The following HDAC9 variants were observed in gnomAD, a reference collection of about 807,000 sequenced individuals.
HDAC9 encodes the protein MEF-2 interacting transcription repressor (MITR) protein.
In HDAC9, 41 loss-of-function variants were observed where a neutral mutation model predicts 139.4. The ratio of observed to expected loss-of-function variants is 0.29; its 90% confidence interval spans 0.23 to 0.38. HDAC9 has a LOEUF of 0.38. HDAC9 is among the 10% of genes least tolerant of loss of function. The pLI is 1.00. For synonymous variants in HDAC9, 517 were observed against 476.2 expected (o/e 1.09, Z -1.12); for missense variants, 1,147 against 1,297.0 (o/e 0.88, Z 1.78).
At chr7:18,317,844 AC>A (rs765094686) in intron 1 of HDAC9, among the ~76,000 whole-genome samples, 12 of 152,220 alleles carry the variant, frequency 7.9e-5, no homozygotes, top group Non-Finnish European at 1.5e-4. Flanking sequence ...TAACAGAAAT[AC>A]TTAGTAGTCT....
intron 1 of HDAC9, among the ~76,000 whole-genome samples, chr7:18,415,410 G>A (rs1192396382): frequency 1.8e-4 from 28 of 152,172 alleles, no homozygotes; most frequent in Admixed American, 1.6e-3. Context: ...GAGGCCTTTA[G>A]TGAATCCATC....
chr7:18,155,156 C>T (rs1787096682), intron 1 of HDAC9, among the ~76,000 whole-genome samples: 2 of 149,342 alleles, frequency 1.3e-5, no homozygotes, highest in Non-Finnish European at 1.5e-5. Flanking sequence ...CCTGCAGTTT[C>T]TGGGCATTGT....
chr7:18,604,897 G>A (rs553495784), intron 6 of HDAC9, among the ~76,000 whole-genome samples: 1 of 152,192 alleles, frequency 6.6e-6, no homozygotes, highest in African/African-American at 2.4e-5. Flanking sequence ...TGTCATAACT[G>A]AGTCTGGTCT....
intron 25 of HDAC9, among the ~76,000 whole-genome samples, chr7:18,994,199 G>A (rs979308176): frequency 1.3e-5 from 2 of 152,050 alleles, no homozygotes; most frequent in African/African-American, 2.4e-5. Context: ...ACTGAATCCT[G>A]GATTCGGGGG....
At chr7:18,588,663 A>C (rs1830100461) in intron 3 of HDAC9, among the ~76,000 whole-genome samples, 1 of 152,160 alleles carries the variant, frequency 6.6e-6, no homozygotes, top group Non-Finnish European at 1.5e-5. Context: ...TGCCATTGGC[A>C]TGTCTTGCCC....
intron 2 of HDAC9, chr7:18,578,165 A>G (rs749567453): frequency 1.9e-6 from 1 of 518,964 alleles, no homozygotes; most frequent in Non-Finnish European, 3.8e-6. Context: ...GAGAAACAAG[A>G]TGGTGAGTGA....
intron 14 of HDAC9, among the ~76,000 whole-genome samples, chr7:18,750,651 T>G (rs1788362024): frequency 6.6e-6 from 1 of 152,108 alleles, no homozygotes; most frequent in African/African-American, 2.4e-5. Context: ...AATTTTAGAG[T>G]TATCTTTAAG....
intron 17 of HDAC9, among the ~76,000 whole-genome samples, chr7:18,795,995 G>A (rs1431364961): frequency 1.3e-5 from 2 of 152,142 alleles, no homozygotes; most frequent in South Asian, 2.1e-4. Flanking sequence ...TGAGCATTTT[G>A]TTATTCATTT....
chr7:18,733,927 T>G (rs1001936217), intron 13 of HDAC9, among the ~76,000 whole-genome samples: 3 of 152,176 alleles, frequency 2.0e-5, no homozygotes, highest in Admixed American at 6.5e-5. Context: ...ATAAGACATA[T>G]TTTGTTATCT....
chr7:18,451,060 A>T (rs1463888129), intron 1 of HDAC9, among the ~76,000 whole-genome samples: 1 of 152,176 alleles, frequency 6.6e-6, no homozygotes, highest in African/African-American at 2.4e-5. Flanking sequence ...TTGTGGTGGT[A>T]TTAAGAGGTA....
At chr7:18,482,448 T>G (rs1795643311) in intron 1 of HDAC9, among the ~76,000 whole-genome samples, 1 of 144,920 alleles carries the variant, frequency 6.9e-6, no homozygotes, top group African/African-American at 2.6e-5. Context: ...TCAGGGATTT[T>G]TTTTAAAAAC....
At chr7:18,228,918 T>G (rs1322870759) in intron 2 of HDAC9, among the ~76,000 whole-genome samples, 1 of 152,112 alleles carries the variant, frequency 6.6e-6, no homozygotes, top group East Asian at 1.9e-4. Flanking sequence ...GAAAGGGACT[T>G]TATGTGTGCT....
chr7:18,850,356 C>T (rs565512522), intron 21 of HDAC9, among the ~76,000 whole-genome samples: 3 of 152,234 alleles, frequency 2.0e-5, no homozygotes, highest in African/African-American at 7.2e-5. Context: ...GGCACAGACC[C>T]TTGTACTTCT....
Position 18,583,152 on chromosome 7 carries a change from T to C in HDAC9, c.23-2129T>C, listed in dbSNP as rs77841330. On this transcript the variant is annotated intron_variant, in intron 2 of 25. Transcript: ENST00000686413. ...TAATATGTTTGTTTTGTTAGCTACT[T>C]ACTATTGATGGTTTATTTTAATATA... is the stretch of plus-strand genomic sequence containing the variant. Among the ~76,000 whole-genome samples, 603 of 152,294 alleles carry C rather than the reference T, an allele frequency of 4.0e-3. 6 individuals are homozygous for C. The highest frequency in any genetic ancestry group is 0.014 in the African/African-American group (592 of 41,578).
At chr7:18,091,794 A>G (rs1583984581) in intron 1 of HDAC9, among the ~76,000 whole-genome samples, 1 of 152,196 alleles carries the variant, frequency 6.6e-6, no homozygotes, top group Non-Finnish European at 1.5e-5. Context: ...GGCAGAATTT[A>G]TCTCATAGTG....
chr7:18,741,116 A>T (rs142051075), intron 13 of HDAC9, among the ~76,000 whole-genome samples: 253 of 152,304 alleles, frequency 1.7e-3, no homozygotes, highest in Non-Finnish European at 3.1e-3. Context: ...AAGCTACAAC[A>T]CGTTTTCCAG....
chr7:18,937,995 A>G (rs556795576), intron 23 of HDAC9, among the ~76,000 whole-genome samples: 35 of 152,258 alleles, frequency 2.3e-4, no homozygotes, highest in African/African-American at 8.2e-4. Context: ...AACTGTGTGG[A>G]GTTACATGTT....
chr7:18,579,090 A>T (rs1025738764), intron 2 of HDAC9, among the ~76,000 whole-genome samples: 2 of 152,222 alleles, frequency 1.3e-5, no homozygotes, highest in Non-Finnish European at 2.9e-5. Flanking sequence ...ACATCTTGGT[A>T]TTGATCAGAG....
chr7:18,744,122 C>A (rs1263457443), intron 13 of HDAC9, among the ~76,000 whole-genome samples: 1 of 149,778 alleles, frequency 6.7e-6, no homozygotes, highest in Non-Finnish European at 1.5e-5. Context: ...TCCTGAGTAG[C>A]TGGGATTGCA....
Sources: gnomAD v4.1 joint callset for allele counts (sites outside exome capture counted in the v4.1 genomes callset) on GRCh38, gnomAD v4.1.1 for gene constraint, MANE v1.5 for transcripts, NCBI Gene and HGNC (gene_info 2026-07-23, HGNC 2026-07-21) for gene names.